The following FOXN4 variants were observed in gnomAD, a reference collection of about 807,000 sequenced individuals.
The protein encoded by FOXN4 is forkhead box N4, also known as forkhead box protein N4.
A neutral mutation model predicts 45.0 loss-of-function variants in FOXN4; 12 were observed. The observed-to-expected ratio is 0.27, with a 90% CI of 0.17 to 0.43. The LOEUF is 0.43. Ranked by LOEUF, FOXN4 falls within the 20% of genes least tolerant of loss-of-function variation. FOXN4 has a pLI of 1.00. For missense variants in FOXN4, 560 were observed against 694.9 expected, an observed-to-expected ratio of 0.81 and a Z score of 2.18; for synonymous variants, 297 against 295.0, an observed-to-expected ratio of 1.01 and a Z score of -0.07.
In FOXN4 at chr12:109,298,204, G is replaced by GC. The variant is rs551613960; in HGVS notation, c.87-7919_87-7918insG. Reference sequence around the variant, plus strand: ...CTGTAAAACAGGAGCTGTGCATTAGGGCATCTCACAAAGTTGTGAGCCCCC... The same window carrying GC: ...CTGTAAAACAGGAGCTGTGCATTAGGCGCATCTCACAAAGTTGTGAGCCCCC... On this transcript the variant is annotated intron_variant, in intron 2 of 9. Coordinates refer to ENST00000299162, the MANE Select transcript of FOXN4 (RefSeq NM_213596.3). Among the ~76,000 whole-genome samples the GC allele has an allele frequency of 2.2e-3, 331 of 152,068 alleles. 1 individual carries two copies. Among genetic ancestry groups the GC allele is most frequent in the African/African-American group, 7.3e-3 (302 of 41,488 alleles).
intron 2 of FOXN4, among the ~76,000 whole-genome samples, chr12:109,304,227 GAA>G (rs1566005504): frequency 1.8e-3 from 42 of 23,860 alleles, no homozygotes; most frequent in African/African-American, 6.2e-3. Context: ...GAAAGAGAAA[GAA>G]AGAAAGAAAG....
At chr12:109,286,227 T>C (rs1426709410) in intron 7 of FOXN4, among the ~76,000 whole-genome samples, 2 of 152,204 alleles carry the variant, frequency 1.3e-5, no homozygotes, top group African/African-American at 4.8e-5. Flanking sequence ...TGGCCAACCC[T>C]ATGCTGGAAG....
intron 6 of FOXN4, 149 bp from the exon 7 acceptor site, chr12:109,286,893 T>C (rs944306387): frequency 4.0e-5 from 58 of 1,433,410 alleles, no homozygotes; most frequent in Non-Finnish European, 7.3e-6. Context: ...GCTCTCAATA[T>C]CTTTTCATGG....
rs931566272 is a variant in FOXN4, at chr12:109,288,486, CATG to C, written c.233-309_233-307del. 6.6e-6 allele frequency among the ~76,000 whole-genome samples: 1 copy of C among 152,184 alleles called. No individual in the cohort carries two copies. Among genetic ancestry groups the C allele is most frequent in the African/African-American group, 2.4e-5 (1 of 41,444 alleles). On this transcript the variant is annotated intron_variant, in intron 3 of 9. Transcript: ENST00000299162. This position sits in a 1 kb window ranked among gnomAD's most constrained non-coding sequence, Gnocchi z 4.3. Reference sequence around the variant, plus strand: ...CAAGTGCTTAGCACACTGCTGGGCACATGATAATATCTCAATAAACATGAGTCA... The same window carrying C: ...CAAGTGCTTAGCACACTGCTGGGCACATAATATCTCAATAAACATGAGTCA...
At chr12:109,298,594 C>T (rs2047840776) in intron 2 of FOXN4, among the ~76,000 whole-genome samples, 1 of 152,112 alleles carries the variant, frequency 6.6e-6, no homozygotes, top group African/African-American at 2.4e-5. Flanking sequence ...AATTCCTGAC[C>T]TTAGGTGATC....
intron 8 of FOXN4, among the ~76,000 whole-genome samples, chr12:109,284,877 T>C (rs1258319102): frequency 5.4e-5 from 8 of 148,022 alleles, no homozygotes; most frequent in Non-Finnish European, 1.2e-4. Context: ...TGCGTGTGTG[T>C]GTGCACGCAT....
At chr12:109,280,550 A>G (rs557895219) in intron 9 of FOXN4, among the ~76,000 whole-genome samples, 8 of 152,202 alleles carry the variant, frequency 5.3e-5, no homozygotes, top group Admixed American at 1.3e-4. Context: ...TCATGGTATC[A>G]TTATGGTCAA....
chr12:109,282,881 C>T (rs988113007), intron 8 of FOXN4, among the ~76,000 whole-genome samples: 5 of 151,724 alleles, frequency 3.3e-5, no homozygotes, highest in African/African-American at 1.2e-4. Flanking sequence ...TTGCCCAAGA[C>T]TTCACTCCGA....
In FOXN4 at chr12:109,287,507, G is replaced by C. The variant is rs2047724756; in HGVS notation, c.486C>G (p.Leu162=). The C allele has an allele frequency of 6.5e-7, 1 of 1,543,490 alleles. No homozygotes were observed. The highest frequency in any genetic ancestry group is 8.7e-7 in the Non-Finnish European group (1 of 1,143,818). The part of the protein sequence containing the change: ...PGAQQCPPVG[L]YGPPFGVRPP... ...GCCGCACCCCAAATGGGGGGCCATA[G>C]AGGCCCACAGGAGGGCACTTCCCAC... Residue 162 remains leucine, a synonymous_variant, in exon 6 of 10, where the codon CTC becomes CTG. Transcript: ENST00000299162. The surrounding 1 kb of genome is among the most constrained non-coding windows in gnomAD (Gnocchi z 4.1).
chr12:109,285,707 T>C (rs2047703457), intron 7 of FOXN4, among the ~76,000 whole-genome samples, 196 bp from the exon 8 acceptor site: 1 of 152,132 alleles, frequency 6.6e-6, no homozygotes, highest in Non-Finnish European at 1.5e-5. Context: ...CATGCCCTGA[T>C]GAGAGGGGAA....
chr12:109,286,760 G>A lies in FOXN4; in HGVS notation c.597-16C>T, dbSNP rs2047715414. 2.5e-6 allele frequency: 4 copies of A among 1,600,476 alleles called. No individual in the cohort carries two copies. The East Asian group carries it at 6.7e-5, about 27-fold the overall frequency. On this transcript the variant is annotated splice_polypyrimidine_tract_variant and intron_variant, in intron 6 of 9. Coordinates refer to ENST00000299162, the MANE Select transcript of FOXN4 (RefSeq NM_213596.3). ...GATCAGACAGCTGGGGGCAGGAGGT[G>A]GGGCAGGGCAGGGCAGGGCAGGACA...
Position 109,287,073 on chromosome 12 carries a change from G to T in FOXN4, c.596+324C>A, listed in dbSNP as rs978001813. On this transcript the variant is annotated intron_variant, in intron 6 of 9. Coordinates refer to ENST00000299162, the MANE Select transcript of FOXN4 (RefSeq NM_213596.3). The surrounding 1 kb of genome is among the most constrained non-coding windows in gnomAD (Gnocchi z 4.1). Reference sequence around the variant, plus strand: ...TTCCCCCTCCCCAAACTCCCACGAGGTATACAATACTATTATTTTGATGAC... The same window carrying T: ...TTCCCCCTCCCCAAACTCCCACGAGTTATACAATACTATTATTTTGATGAC... 6.6e-6 allele frequency among the ~76,000 whole-genome samples: 1 copy of T among 152,102 alleles called. No individual in the cohort carries two copies. Among genetic ancestry groups the T allele is most frequent in the Non-Finnish European group, 1.5e-5 (1 of 68,034 alleles).
intron 8 of FOXN4, 111 bp downstream of exon 8, chr12:109,285,193 T>C (rs967608087): frequency 7.4e-6 from 10 of 1,345,220 alleles, no homozygotes; most frequent in Admixed American, 6.0e-5. Context: ...TGCATCGGCT[T>C]CACCAGGGTT....
At chr12:109,304,279 GAAAGAAAGAAAGAAAGGA>G (rs2047898488) in intron 2 of FOXN4, among the ~76,000 whole-genome samples, 1 of 63,438 alleles carries the variant, frequency 1.6e-5, no homozygotes, top group Non-Finnish European at 3.6e-5. Flanking sequence ...AAGAAAGAAA[GAAAGAAAGAAAGAAAGGA>G]GAAAGAAAGA....
chr12:109,302,151 C>G (rs1270999748), intron 2 of FOXN4, among the ~76,000 whole-genome samples: 2 of 152,234 alleles, frequency 1.3e-5, no homozygotes, highest in African/African-American at 4.8e-5. Flanking sequence ...GTGTCTTACA[C>G]CTCATTACAA....
At chr12:109,306,984 T>C (rs1277288848) in intron 2 of FOXN4, among the ~76,000 whole-genome samples, 14 of 152,146 alleles carry the variant, frequency 9.2e-5, no homozygotes, top group Non-Finnish European at 8.8e-5. Context: ...ACAACAGGGC[T>C]CATCAGAGCA....
At position 109,290,028 on chromosome 12, in the gene FOXN4, C is replaced by T. The variant is rs2047750957; in HGVS notation, c.232+113G>A. On this transcript the variant is annotated intron_variant, in intron 3 of 9. Transcript: ENST00000299162. This position sits in a 1 kb window ranked among gnomAD's most constrained non-coding sequence, Gnocchi z 5.1. ...CATTTTACAGATGCAGAAAGAGAGG[C>T]CCAGAGAGACTGGGAGACCGGGTCA... The T allele has an allele frequency of 7.9e-7, 1 of 1,268,296 alleles. No individual in the cohort carries two copies. Among genetic ancestry groups the T allele is most frequent in the Admixed American group, 3.2e-5 (1 of 30,882 alleles). 78.6% of individuals were successfully genotyped at this position (1,268,296 alleles called of 1,614,324 possible).
At chr12:109,304,156 A>C (rs1306262464) in intron 2 of FOXN4, among the ~76,000 whole-genome samples, 2 of 149,476 alleles carry the variant, frequency 1.3e-5, no homozygotes, top group Non-Finnish European at 3.0e-5. Flanking sequence ...GCACCACTGC[A>C]CTCCAGCCTG....
In FOXN4 at chr12:109,287,733, G is replaced by T. The variant is rs1019667920; in HGVS notation, c.468+111C>A. On this transcript the variant is annotated intron_variant, in intron 5 of 9. Transcript: ENST00000299162. The surrounding 1 kb of genome is among the most constrained non-coding windows in gnomAD (Gnocchi z 4.1). ...TGACCCCATGACATGAGCATGGAGG[G>T]AATGTTATCCCCATGTGCTGGGTGA... 14 of 1,153,692 alleles carry T rather than the reference G, an allele frequency of 1.2e-5. No individual in the cohort carries two copies. Among genetic ancestry groups the T allele is most frequent in the African/African-American group, 1.6e-5 (1 of 63,984 alleles). The allele number at this position is 1,153,692 out of a possible 1,614,324, so 71.5% of individuals were successfully genotyped here.
Sources: allele counts gnomAD v4.1 joint callset (sites outside exome capture counted in the v4.1 genomes callset), GRCh38; gene constraint gnomAD v4.1.1; non-coding constraint Gnocchi (gnomAD v3.1); transcripts MANE v1.5; gene names NCBI Gene and HGNC (gene_info 2026-07-23, HGNC 2026-07-21).